The following FRMD6 variants were observed in gnomAD, a reference collection of about 807,000 sequenced individuals.
The protein encoded by FRMD6 is FERM domain containing 6.
Under a neutral mutation model 73.2 loss-of-function variants are expected in FRMD6, and 37 were observed. The ratio of observed to expected loss-of-function variants is 0.51; its 90% CI spans 0.39 to 0.66. The LOEUF is 0.66. FRMD6 is among the 30% of genes least tolerant of loss of function. The pLI, the probability that FRMD6 is intolerant of heterozygous loss-of-function variation, is 0.00. For missense variants in FRMD6, 714 were observed against 780.5 expected (o/e 0.91, Z 1.02); for synonymous variants, 273 against 282.2 (o/e 0.97, Z 0.33).
chr14:51,424,797 G>T, the FRMD6 span, among the ~76,000 whole-genome samples: 1 of 152,136 alleles, frequency 6.6e-6, no homozygotes, highest in Non-Finnish European at 1.5e-5. Flanking sequence ...GAAAAGAAAA[G>T]GTCTCCAAGA....
In FRMD6 at chr14:51,729,540, A is replaced by G. The variant is rs975757236; in HGVS notation, c.*1511A>G. On this transcript the variant is annotated 3_prime_UTR_variant, in exon 14 of 14. Transcript: ENST00000344768. ...TTTTAATGATTTAGTATTTTACAACATTTGTTTACCATATTTTGATATACC... is the reference window on the plus strand; with the variant it reads ...TTTTAATGATTTAGTATTTTACAACGTTTGTTTACCATATTTTGATATACC... The G allele has an allele frequency of 6.6e-5, 10 of 152,648 alleles. No individual in the cohort carries two copies. Among genetic ancestry groups the G allele is most frequent in the African/African-American group, 2.2e-4 (9 of 41,452 alleles). The allele number at this position is 152,648 out of a possible 1,614,324, so 9.5% of individuals were successfully genotyped here. A position where few individuals can be genotyped will look rare whatever the true frequency, so the allele number is the denominator to read the frequency against.
the FRMD6 span, among the ~76,000 whole-genome samples, chr14:51,440,424 TTA>T: frequency 9.8e-5 from 15 of 152,316 alleles, no homozygotes; most frequent in Middle Eastern, 3.4e-3. Context: ...TCTGGTTTGG[TTA>T]TGTAAAGCTG....
At chr14:51,600,851 C>T (rs1311152511) in intron 2 of FRMD6, among the ~76,000 whole-genome samples, 1 of 152,212 alleles carries the variant, frequency 6.6e-6, no homozygotes, top group African/African-American at 2.4e-5. Context: ...TAAGCAGAAC[C>T]ATGGTTAGAT....
At chr14:51,515,211 GC>G (rs1362690087) in intron 1 of FRMD6, among the ~76,000 whole-genome samples, 13 of 152,152 alleles carry the variant, frequency 8.5e-5, no homozygotes, top group Admixed American at 8.5e-4. Context: ...CAGTTGTATT[GC>G]CCCACTCCAG....
At chr14:51,539,007 A>G (rs965350577) in intron 1 of FRMD6, among the ~76,000 whole-genome samples, 1 of 152,032 alleles carries the variant, frequency 6.6e-6, no homozygotes, top group African/African-American at 2.4e-5. Context: ...ATGGACTTTT[A>G]TATATTGATC....
rs770921413 is a variant in FRMD6, at chr14:51,730,651, C to T, written c.*2622C>T. The T allele has an allele frequency of 2.6e-5, 4 of 152,298 alleles. No homozygotes were observed. The highest frequency in any genetic ancestry group is 5.9e-5 in the Non-Finnish European group (4 of 67,994). 9.4% of individuals were successfully genotyped at this position (152,298 alleles called of 1,614,324 possible). A position where few individuals can be genotyped will look rare whatever the true frequency, so the allele number is the denominator to read the frequency against. On this transcript the variant is annotated 3_prime_UTR_variant, in exon 14 of 14. Coordinates refer to ENST00000344768, the MANE Select transcript of FRMD6 (RefSeq NM_001267046.2). ...CCAAAAGTATGTAAAAAGAAACCTG[C>T]ATTATTTTGTAATTATTTCTTATAG...
At chr14:51,513,107 A>G (rs1884410567) in intron 1 of FRMD6, among the ~76,000 whole-genome samples, 1 of 152,172 alleles carries the variant, frequency 6.6e-6, no homozygotes, top group African/African-American at 2.4e-5. Context: ...AGACTTTCCC[A>G]GAGTGCCCCA....
At chr14:51,558,827 C>G (rs79103656) in intron 1 of FRMD6, among the ~76,000 whole-genome samples, 1,882 of 152,216 alleles carry the variant, frequency 0.012, 34 homozygotes, top group African/African-American at 0.042. Flanking sequence ...CAGGATGCCA[C>G]CTGTCATTTC....
At chr14:51,687,989 T>C (rs1009647914) in intron 1 of FRMD6, among the ~76,000 whole-genome samples, 8 of 152,208 alleles carry the variant, frequency 5.3e-5, no homozygotes, top group African/African-American at 1.9e-4. Context: ...GGAGATTCTG[T>C]ATGAATAGAA....
intron 12 of FRMD6, chr14:51,724,066 T>C (rs1897802915): frequency 6.6e-6 from 1 of 152,224 alleles, no homozygotes; most frequent in African/African-American, 2.4e-5. Context: ...TCTATTAATT[T>C]GAGCATTTAA....
At chr14:51,486,368 T>G (rs1295726339), upstream of FRMD6, among the ~76,000 whole-genome samples, 1 of 152,148 alleles carries the variant, frequency 6.6e-6, no homozygotes, top group African/African-American at 2.4e-5. Context: ...GGGAGTCTGA[T>G]GGACTGAGGA....
the FRMD6 span, among the ~76,000 whole-genome samples, chr14:51,430,113 G>A: frequency 2.6e-5 from 4 of 152,200 alleles, no homozygotes; most frequent in Admixed American, 6.5e-5. Context: ...TGTGTTCCAT[G>A]TGATTATGCC....
chr14:51,423,504 C>G, the FRMD6 span, among the ~76,000 whole-genome samples: 2 of 152,180 alleles, frequency 1.3e-5, no homozygotes, highest in African/African-American at 4.8e-5. Flanking sequence ...AGGAACTGAG[C>G]TCCTGAGATG....
intron 1 of FRMD6, among the ~76,000 whole-genome samples, chr14:51,492,037 C>T (rs1172610752): frequency 6.6e-6 from 1 of 152,196 alleles, no homozygotes; most frequent in Non-Finnish European, 1.5e-5. Context: ...CTTGTTCTTT[C>T]CTTGCTGTTC....
the FRMD6 span, among the ~76,000 whole-genome samples, chr14:51,473,646 G>A: frequency 6.6e-6 from 1 of 152,092 alleles, no homozygotes; most frequent in Non-Finnish European, 1.5e-5. Flanking sequence ...CCCCAGGTTA[G>A]GGCATAGGCT....
intron 1 of FRMD6, among the ~76,000 whole-genome samples, chr14:51,519,250 C>T (rs1227005095): frequency 8.8e-5 from 13 of 147,462 alleles, no homozygotes; most frequent in African/African-American, 2.0e-4. Context: ...CTGTAACCTC[C>T]GCCTCAGGGG....
At chr14:51,418,345 G>A in the FRMD6 span, among the ~76,000 whole-genome samples, 1 of 152,160 alleles carries the variant, frequency 6.6e-6, no homozygotes, top group African/African-American at 2.4e-5. Flanking sequence ...TTTTGGTGTG[G>A]ATGTCCTTTT....
At chr14:51,622,718 T>G (rs918247981) in intron 2 of FRMD6, among the ~76,000 whole-genome samples, 6 of 152,144 alleles carry the variant, frequency 3.9e-5, no homozygotes, top group African/African-American at 1.4e-4. Context: ...AACCAAGCTT[T>G]TGGGAGTCCT....
the FRMD6 span, among the ~76,000 whole-genome samples, chr14:51,415,056 G>A: frequency 6.6e-6 from 1 of 152,210 alleles, no homozygotes; most frequent in African/African-American, 2.4e-5. Flanking sequence ...TTTGGGCTGA[G>A]ATGATGGGGT....
Sources: allele counts gnomAD v4.1 joint callset (sites outside exome capture counted in the v4.1 genomes callset), GRCh38; gene constraint gnomAD v4.1.1; transcripts MANE v1.5; gene names NCBI Gene and HGNC (gene_info 2026-07-23, HGNC 2026-07-21).